The following AK9 variants were observed in gnomAD, a reference collection of about 807,000 sequenced individuals.
The protein encoded by AK9 is adenylate kinase 9, also known as adenylate kinase domain containing 1.
AK9 carries 191 observed loss-of-function variants against 239.6 expected under a neutral mutation model. The ratio of observed to expected loss-of-function variants is 0.80; its 90% CI spans 0.71 to 0.90. The LOEUF (loss-of-function observed/expected upper bound fraction) is 0.90, where lower values mean the gene tolerates loss of function less well. Among genes scored for constraint, AK9 ranks in the 40% least tolerant of loss-of-function variants. AK9 has a pLI of 0.00. For missense variants in AK9, 1,995 were observed against 2,214.7 expected (o/e 0.90, Z 1.99); for synonymous variants, 689 against 721.0 (o/e 0.96, Z 0.71).
chr6:109,600,907 G>A (rs535065344), intron 17 of AK9, among the ~76,000 whole-genome samples: 12 of 152,130 alleles, frequency 7.9e-5, no homozygotes, highest in Non-Finnish European at 1.2e-4. Flanking sequence ...TTGTATTTCC[G>A]TGGGATCAGT....
At chr6:109,530,435 A>G (rs6916579) in intron 28 of AK9, among the ~76,000 whole-genome samples, 45,050 of 152,158 alleles carry the variant, frequency 0.3, 7,141 homozygotes, top group Middle Eastern at 0.41. Flanking sequence ...AATTTACAAA[A>G]ACTTCCATTA....
chr6:109,528,874 C>T (rs1477977172), intron 29 of AK9, 137 bp downstream of exon 29: 7 of 1,439,946 alleles, frequency 4.9e-6, no homozygotes, highest in Non-Finnish European at 5.6e-6. Context: ...GTAATCCTAG[C>T]ACTTTGAGAG....
intron 17 of AK9, among the ~76,000 whole-genome samples, chr6:109,609,635 C>T (rs1369513639): frequency 2.0e-5 from 3 of 152,140 alleles, no homozygotes; most frequent in Non-Finnish European, 4.4e-5. Flanking sequence ...GAGCTGGGGA[C>T]TTGAGGAAAC....
chr6:109,497,362 A>ACACACACACTCT (rs1554230922), intron 38 of AK9, 103 bp downstream of exon 38: 99 of 500,508 alleles, frequency 2.0e-4, no homozygotes, highest in African/African-American at 1.7e-3. Context: ...ACACACACAC[A>ACACACACACTCT]CTCTCTCTCT....
intron 10 of AK9, among the ~76,000 whole-genome samples, chr6:109,636,528 A>G (rs1475991633): frequency 2.7e-5 from 4 of 150,492 alleles, no homozygotes; most frequent in Non-Finnish European, 5.9e-5. Context: ...CATCATCCCA[A>G]ACAGAACTCT....
At chr6:109,678,655 G>A (rs1017532587) in intron 1 of AK9, among the ~76,000 whole-genome samples, 2 of 151,868 alleles carry the variant, frequency 1.3e-5, no homozygotes, top group Non-Finnish European at 2.9e-5. Context: ...AGATTAATGC[G>A]GGAGGCTGGC....
At chr6:109,605,488 C>A (rs1792722688) in intron 17 of AK9, among the ~76,000 whole-genome samples, 1 of 151,828 alleles carries the variant, frequency 6.6e-6, no homozygotes. Flanking sequence ...CTCCAGGCTC[C>A]TTTTTTGGAG....
chr6:109,557,439 A>C lies in AK9; in HGVS notation c.2751+6158T>G, dbSNP rs1267620763. 2.0e-5 allele frequency among the ~76,000 whole-genome samples: 3 copies of C among 152,106 alleles called. No individual in the cohort carries two copies. The East Asian group carries it at 5.8e-4, about 29-fold the overall frequency. On this transcript the variant is annotated intron_variant, in intron 24 of 40. Coordinates refer to ENST00000424296, the MANE Select transcript of AK9 (RefSeq NM_001145128.3). ...AGGATCGCTCCTGTATAGAATGTCT[A>C]ACAACCCCTGTTAGAGGGTCTCACC...
intron 24 of AK9, among the ~76,000 whole-genome samples, chr6:109,551,787 G>A (rs1458623157): frequency 6.6e-6 from 1 of 150,506 alleles, no homozygotes; most frequent in Non-Finnish European, 1.5e-5. Flanking sequence ...AAAAAGGGGG[G>A]TACATGTGCA....
rs375157968 is a variant in AK9, at chr6:109,540,569, G to T, written c.3350+1478C>A. Among the ~76,000 whole-genome samples the T allele has an allele frequency of 3.9e-5, 6 of 152,306 alleles. No homozygotes were observed. The East Asian group carries it at 1.2e-3, about 29-fold the overall frequency. The stretch of plus-strand genomic sequence containing the variant: ...CAGTTCCCTGGTGAGGTGATGACTT[G>T]CCCTGCTTTGGCTCACGCTCAGTGG... On this transcript the variant is annotated intron_variant, in intron 27 of 40. Transcript: ENST00000424296.
intron 20 of AK9, among the ~76,000 whole-genome samples, chr6:109,574,133 T>C (rs1787773563): frequency 6.6e-6 from 1 of 152,362 alleles, no homozygotes. Context: ...TTAGATTATA[T>C]ATATAATGAT....
At chr6:109,624,017 GTAGAA>G (rs1049088865) in intron 12 of AK9, among the ~76,000 whole-genome samples, 36 of 151,524 alleles carry the variant, frequency 2.4e-4, no homozygotes, top group African/African-American at 8.2e-4. Flanking sequence ...TCACAATTAC[GTAGAA>G]CATGTTCATA....
chr6:109,641,722 G>A, intron 9 of AK9, 106 bp from the exon 10 acceptor site: 4 of 931,286 alleles, frequency 4.3e-6, no homozygotes, highest in Non-Finnish European at 6.5e-6. Flanking sequence ...CCTGACTCTG[G>A]GTCGAATCCT....
chr6:109,515,685 C>T (rs559047249), intron 31 of AK9, among the ~76,000 whole-genome samples, 172 bp downstream of exon 31: 1 of 152,090 alleles, frequency 6.6e-6, no homozygotes, highest in African/African-American at 2.4e-5. Context: ...AAAAGAAAAG[C>T]TGAAAGTTTA....
At position 109,585,909 on chromosome 6, in the gene AK9, TACCA is replaced by T; in HGVS notation, c.1999+3_1999+6del. The T allele has an allele frequency of 1.3e-6, 2 of 1,530,968 alleles. No homozygotes were observed. The highest frequency in any genetic ancestry group is 2.5e-5 in the South Asian group (2 of 79,586). The allele number at this position is 1,530,968 out of a possible 1,614,324, so 94.8% of individuals were successfully genotyped here. On this transcript the variant is annotated splice_donor_5th_base_variant and intron_variant, in intron 18 of 40. Transcript: ENST00000424296. ...CTTTCAAATTTACATAATAAATATT[TACCA>T]ACCATTGTTTTCTGTATCTGATAAA...
At position 109,628,345 on chromosome 6, in the gene AK9, C is replaced by G. The variant is rs138770684; in HGVS notation, c.1254+4578G>C. 1.1e-3 allele frequency among the ~76,000 whole-genome samples: 172 copies of G among 152,306 alleles called. 1 individual carries two copies. Among genetic ancestry groups the G allele is most frequent in the Middle Eastern group, 3.4e-3 (1 of 294 alleles). On this transcript the variant is annotated intron_variant, in intron 12 of 40. Transcript: ENST00000424296. ...CACCCTACTCACAAGCAGCTCCCTT[C>G]TCCCTGCTGCTCTGCTTCACAGTGC...
At chr6:109,558,402 T>C (rs545879890) in intron 24 of AK9, among the ~76,000 whole-genome samples, 2 of 152,326 alleles carry the variant, frequency 1.3e-5, no homozygotes, top group Admixed American at 6.5e-5. Flanking sequence ...TTAGTTTTTG[T>C]ATATCATGTG....
chr6:109,686,828 T>C (rs897670765), intron 1 of AK9, among the ~76,000 whole-genome samples: 1 of 152,240 alleles, frequency 6.6e-6, no homozygotes, highest in African/African-American at 2.4e-5. Context: ...GCTGGTTATG[T>C]CAGACAAGTC....
At chr6:109,496,358 G>T (rs1777036226) in intron 38 of AK9, among the ~76,000 whole-genome samples, 1 of 152,196 alleles carries the variant, frequency 6.6e-6, no homozygotes, top group African/African-American at 2.4e-5. Context: ...CCTGGCTGCT[G>T]CAGGCACTGT....
Sources: allele counts gnomAD v4.1 joint callset (sites outside exome capture counted in the v4.1 genomes callset), GRCh38; gene constraint gnomAD v4.1.1; transcripts MANE v1.5; gene names NCBI Gene and HGNC (gene_info 2026-07-23, HGNC 2026-07-21).